Variants in THSD7B observed in about 807,000 individuals in gnomAD.
THSD7B encodes thrombospondin type-1 domain-containing protein 7B.
Under a neutral mutation model 213.6 loss-of-function variants are expected in THSD7B, and 138 were observed. That is an observed-to-expected ratio of 0.65 (90% CI 0.56 to 0.74). THSD7B has a LOEUF of 0.74. Ranked by LOEUF, THSD7B falls within the 30% of genes least tolerant of loss-of-function variation. The pLI, the probability that THSD7B is intolerant of heterozygous loss-of-function variation, is 0.00. For synonymous variants in THSD7B, 742 were observed against 687.0 expected, an observed-to-expected ratio of 1.08 and a Z score of -1.25; for missense variants, 1,931 against 1,991.5, an observed-to-expected ratio of 0.97 and a Z score of 0.58.
chr2:137,079,216 A>G (rs1203769063), intron 3 of THSD7B, among the ~76,000 whole-genome samples: 1 of 152,084 alleles, frequency 6.6e-6, no homozygotes, highest in Middle Eastern at 3.2e-3. Context: ...ATTCTCTATT[A>G]TCGATGTGAT....
At chr2:137,594,583 C>A (rs1022728352) in intron 17 of THSD7B, among the ~76,000 whole-genome samples, 5 of 151,916 alleles carry the variant, frequency 3.3e-5, no homozygotes, top group Non-Finnish European at 7.4e-5. Context: ...GTTTGTCTAT[C>A]CATGCAGCAG....
At chr2:137,321,294 C>G (rs1302512802) in intron 12 of THSD7B, among the ~76,000 whole-genome samples, 1 of 152,112 alleles carries the variant, frequency 6.6e-6, no homozygotes, top group Non-Finnish European at 1.5e-5. Context: ...TTTGAATACC[C>G]TAGACCTAAA....
intron 14 of THSD7B, among the ~76,000 whole-genome samples, chr2:137,425,502 C>G (rs1263799186): frequency 6.6e-6 from 1 of 152,128 alleles, no homozygotes; most frequent in East Asian, 1.9e-4. Context: ...CAGGCGTGAG[C>G]CCCTGTGCCT....
Position 137,172,360 on chromosome 2 carries a change from T to C in THSD7B, c.1723+1422T>C, listed in dbSNP as rs35795431. Among the ~76,000 whole-genome samples the C allele has an allele frequency of 2.6e-5, 4 of 152,220 alleles. No individual in the cohort carries two copies. In the East Asian group the frequency reaches 7.7e-4, roughly 29 times the overall value. On this transcript the variant is annotated intron_variant, in intron 7 of 27. Transcript: ENST00000409968. ...ACCAAACCATGATTAGAAGCTTAGGTATTTCAGTTCACCCACTGGAAACAA... is the reference window on the plus strand; with the variant it reads ...ACCAAACCATGATTAGAAGCTTAGGCATTTCAGTTCACCCACTGGAAACAA...
intron 15 of THSD7B, among the ~76,000 whole-genome samples, chr2:137,469,821 G>T (rs1688059128): frequency 1.3e-5 from 2 of 152,162 alleles, no homozygotes. Flanking sequence ...CTTTGTAAGA[G>T]ATGCTTCAAT....
intron 7 of THSD7B, among the ~76,000 whole-genome samples, chr2:137,176,820 T>C (rs1680366533): frequency 6.6e-6 from 1 of 152,186 alleles, no homozygotes; most frequent in African/African-American, 2.4e-5. Context: ...TTTGAAGCTG[T>C]TTCCTTATTG....
Position 137,112,214 on chromosome 2 carries a change from C to T in THSD7B, c.1200-2910C>T, listed in dbSNP as rs372590051. ...GCTGCCGGGATGATTTGTGACTAAACGTAGATAGGGCTTTTGAAAAAAATA... is the reference window on the plus strand; with the variant it reads ...GCTGCCGGGATGATTTGTGACTAAATGTAGATAGGGCTTTTGAAAAAAATA... On this transcript the variant is annotated intron_variant, in intron 4 of 27. Coordinates refer to ENST00000409968, the MANE Select transcript of THSD7B (RefSeq NM_001316349.2). Among the ~76,000 whole-genome samples the T allele has an allele frequency of 4.7e-4, 71 of 151,592 alleles. 3 individuals are homozygous for T. In the Middle Eastern group the frequency reaches 0.048, roughly 102 times the overall value.
intron 14 of THSD7B, among the ~76,000 whole-genome samples, chr2:137,447,031 T>C (rs953244934): frequency 6.6e-5 from 10 of 152,158 alleles, no homozygotes; most frequent in Non-Finnish European, 1.2e-4. Context: ...CAAGTATTAA[T>C]ATTCCTCACT....
chr2:137,183,753 G>A lies in THSD7B; in HGVS notation c.1723+12815G>A, dbSNP rs186118506. On this transcript the variant is annotated intron_variant, in intron 7 of 27. Coordinates refer to ENST00000409968, the MANE Select transcript of THSD7B (RefSeq NM_001316349.2). Reference sequence around the variant, plus strand: ...CCCAGTGTCAAAACAAGGGACCTAGGTATTGATGGATGTAGGCCTTTACAT... The same window carrying A: ...CCCAGTGTCAAAACAAGGGACCTAGATATTGATGGATGTAGGCCTTTACAT... Among the ~76,000 whole-genome samples the A allele has an allele frequency of 1.2e-3, 183 of 152,176 alleles. 2 individuals carry two copies. The highest frequency in any genetic ancestry group is 4.0e-3 in the African/African-American group (165 of 41,532).
intron 5 of THSD7B, among the ~76,000 whole-genome samples, chr2:137,146,182 T>C (rs1679698673): frequency 6.6e-6 from 1 of 152,118 alleles, no homozygotes. Context: ...TACCAGAAAA[T>C]AGTGTATCTT....
chr2:136,812,270 C>T (rs1012200291), intron 1 of THSD7B, among the ~76,000 whole-genome samples: 22 of 152,276 alleles, frequency 1.4e-4, no homozygotes, highest in African/African-American at 5.3e-4. Context: ...TTGGCCAACA[C>T]CTTACCATGT....
rs78717394 is a variant in THSD7B at position 137,125,088 on chromosome 2, G to C, written c.1369+9795G>C. The stretch of plus-strand genomic sequence containing the variant: ...GCCATTTCTATTTGAATAATCTATG[G>C]GCATTTACAATTTAGTTTTTCTTTT... On this transcript the variant is annotated intron_variant, in intron 5 of 27. Coordinates refer to ENST00000409968, the MANE Select transcript of THSD7B (RefSeq NM_001316349.2). 9.4e-3 allele frequency among the ~76,000 whole-genome samples: 1,433 copies of C among 152,042 alleles called. 24 individuals carry two copies. The highest frequency in any genetic ancestry group is 0.011 in the Non-Finnish European group (751 of 67,952).
At chr2:137,359,087 T>G (rs1194838203) in intron 12 of THSD7B, among the ~76,000 whole-genome samples, 1 of 152,254 alleles carries the variant, frequency 6.6e-6, no homozygotes. Flanking sequence ...TACAATTTCA[T>G]GTGTGCTTAC....
chr2:137,140,922 G>A (rs1485100873), intron 5 of THSD7B, among the ~76,000 whole-genome samples: 1 of 152,154 alleles, frequency 6.6e-6, no homozygotes, highest in Non-Finnish European at 1.5e-5. Flanking sequence ...GCTTCAAATA[G>A]GGAAGTCAGT....
At chr2:137,430,154 G>A (rs1382222161) in intron 14 of THSD7B, among the ~76,000 whole-genome samples, 1 of 152,096 alleles carries the variant, frequency 6.6e-6, no homozygotes, top group African/African-American at 2.4e-5. Flanking sequence ...AACTGAGGTG[G>A]GAGGACTACT....
chr2:137,532,077 T>A lies in THSD7B; in HGVS notation c.3139-31144T>A, dbSNP rs1680409003. The stretch of plus-strand genomic sequence containing the variant: ...TAGAGTTGAATGTTAAAGAAGTGAA[T>A]TCTAACTTACCAAGTTAATTGCGTA... On this transcript the variant is annotated intron_variant, in intron 15 of 27. Transcript: ENST00000409968. Among the ~76,000 whole-genome samples the A allele has an allele frequency of 2.6e-5, 4 of 151,894 alleles. No individual in the cohort carries two copies. The South Asian group carries it at 8.3e-4, about 31-fold the overall frequency.
intron 2 of THSD7B, among the ~76,000 whole-genome samples, chr2:137,050,028 A>G (rs779243058): frequency 6.6e-6 from 1 of 152,144 alleles, no homozygotes; most frequent in Non-Finnish European, 1.5e-5. Context: ...TTTGCTCCAA[A>G]TGATTGTGTG....
chr2:137,463,208 C>T lies in THSD7B; in HGVS notation c.3138+12185C>T, dbSNP rs561454150. 5.3e-5 allele frequency among the ~76,000 whole-genome samples: 8 copies of T among 152,200 alleles called. No individual in the cohort carries two copies. The South Asian group carries it at 1.2e-3, about 24-fold the overall frequency. On this transcript the variant is annotated intron_variant, in intron 15 of 27. Coordinates refer to ENST00000409968, the MANE Select transcript of THSD7B (RefSeq NM_001316349.2). ...TCTAGAGACAGCAAGGACCATGTAG[C>T]GTAAGCCAGGGGGCAACTACAACAC...
chr2:137,480,838 A>G (rs1206498742), intron 15 of THSD7B, among the ~76,000 whole-genome samples: 1 of 152,276 alleles, frequency 6.6e-6, no homozygotes, highest in Non-Finnish European at 1.5e-5. Flanking sequence ...TCAGAATTTT[A>G]TAATAATTTT....
Sources: allele counts gnomAD v4.1 joint callset (sites outside exome capture counted in the v4.1 genomes callset), GRCh38; gene constraint gnomAD v4.1.1; transcripts MANE v1.5; gene names NCBI Gene and HGNC (gene_info 2026-07-23, HGNC 2026-07-21).